NXPE2: variants seen among roughly 807,000 people sequenced by gnomAD.
NXPE2 encodes the protein neurexophilin and PC-esterase domain family member 2, also known as NXPE family member 2.
Under a neutral mutation model 34.4 loss-of-function variants are expected in NXPE2, and 34 were observed. The observed-to-expected ratio is 0.99, with a 90% confidence interval of 0.75 to 1.31. The LOEUF is 1.31. Ranked by LOEUF, NXPE2 falls within the 40% of genes most tolerant of loss-of-function variation. NXPE2 has a pLI of 0.00. For missense variants in NXPE2, 649 were observed against 672.5 expected, an observed-to-expected ratio of 0.97 and a Z score of 0.39; for synonymous variants, 235 against 231.3, an observed-to-expected ratio of 1.02 and a Z score of -0.15.
At chr11:114,497,150 C>G in the NXPE2 span, among the ~76,000 whole-genome samples, 27 of 152,150 alleles carry the variant, frequency 1.8e-4, no homozygotes, top group East Asian at 5.2e-3. Flanking sequence ...CACTGTCAGA[C>G]AGGATGTGAA....
the NXPE2 span, among the ~76,000 whole-genome samples, chr11:114,605,942 C>A: frequency 2.6e-5 from 4 of 151,684 alleles, no homozygotes; most frequent in African/African-American, 9.7e-5. Flanking sequence ...ACCACTGTTA[C>A]CTGGTGGATA....
chr11:114,605,753 C>A, the NXPE2 span, among the ~76,000 whole-genome samples: 1 of 151,790 alleles, frequency 6.6e-6, no homozygotes, highest in Non-Finnish European at 1.5e-5. Flanking sequence ...ATAAGTATTG[C>A]CCCTAGGGTA....
chr11:114,770,281 G>A, the NXPE2 span, among the ~76,000 whole-genome samples: 7 of 152,216 alleles, frequency 4.6e-5, no homozygotes, highest in Non-Finnish European at 7.3e-5. Flanking sequence ...GGGGTTAGTT[G>A]CCATTTATCT....
the NXPE2 span, among the ~76,000 whole-genome samples, chr11:114,637,809 T>A: frequency 1.3e-5 from 2 of 152,074 alleles, no homozygotes; most frequent in Non-Finnish European, 2.9e-5. Flanking sequence ...TCTTCTGGCT[T>A]GTAGAGTTTC....
the NXPE2 span, among the ~76,000 whole-genome samples, chr11:114,712,783 G>T: frequency 6.6e-6 from 1 of 152,140 alleles, no homozygotes; most frequent in East Asian, 1.9e-4. Context: ...TATTCACAAA[G>T]CAAAGTGAAT....
the NXPE2 span, among the ~76,000 whole-genome samples, chr11:114,627,864 G>A: frequency 2.6e-5 from 4 of 151,358 alleles, no homozygotes; most frequent in African/African-American, 9.7e-5. Flanking sequence ...TGCAGGGATT[G>A]CAATCCTAGT....
the NXPE2 span, among the ~76,000 whole-genome samples, chr11:114,535,995 C>T: frequency 6.6e-6 from 1 of 152,220 alleles, no homozygotes; most frequent in East Asian, 1.9e-4. Flanking sequence ...TTCAGCACCA[C>T]ACCAAACCTA....
chr11:114,626,414 A>T, the NXPE2 span, among the ~76,000 whole-genome samples: 1 of 152,212 alleles, frequency 6.6e-6, no homozygotes, highest in Non-Finnish European at 1.5e-5. Flanking sequence ...CAACAGGGGC[A>T]GACTGACACC....
At chr11:114,805,860 C>T in the NXPE2 span, among the ~76,000 whole-genome samples, 1 of 152,218 alleles carries the variant, frequency 6.6e-6, no homozygotes, top group Non-Finnish European at 1.5e-5. Flanking sequence ...GTTCTCCCAG[C>T]ACGCAGCTTG....
rs1337314093 is a variant in NXPE2 at position 114,698,242 on chromosome 11, A to C, written c.330A>C (p.Thr110=). 7 of 1,613,650 alleles carry C rather than the reference A, an allele frequency of 4.3e-6. No homozygotes were observed. The highest frequency in any genetic ancestry group is 5.9e-6 in the Non-Finnish European group (7 of 1,179,794). The change falls in exon 3 of 6, where the codon ACA becomes ACC. Residue 110 remains threonine (T), a synonymous_variant. Coordinates refer to ENST00000389586, the MANE Select transcript of NXPE2 (RefSeq NM_182495.6). ...ATGTGAATACCACCACCAGTGCCAC[A>C]CACAGCACAGCCACCATCCTCAACC... is the stretch of plus-strand genomic sequence containing the variant. ...FTHVNTTTSA[T]HSTATILNPQ...
At chr11:114,750,098 C>T in the NXPE2 span, among the ~76,000 whole-genome samples, 1 of 152,180 alleles carries the variant, frequency 6.6e-6, no homozygotes, top group Non-Finnish European at 1.5e-5. Context: ...AGTTCAATGC[C>T]CTCCACTGCA....
the NXPE2 span, among the ~76,000 whole-genome samples, chr11:114,488,156 T>C: frequency 6.6e-6 from 1 of 152,278 alleles, no homozygotes; most frequent in South Asian, 2.1e-4. Context: ...TGGGAGACTT[T>C]TTGTTATGGC....
At chr11:114,576,444 T>G in the NXPE2 span, among the ~76,000 whole-genome samples, 4 of 151,770 alleles carry the variant, frequency 2.6e-5, no homozygotes, top group African/African-American at 9.7e-5. Context: ...CCTTCACAAT[T>G]TATACAGTCA....
chr11:114,529,931 C>T, the NXPE2 span: 3 of 448,232 alleles, frequency 6.7e-6, no homozygotes, highest in South Asian at 5.0e-5. Flanking sequence ...ATCTTTTTTT[C>T]AGTGGAACAT....
At chr11:114,728,974 C>G in the NXPE2 span, among the ~76,000 whole-genome samples, 1 of 152,122 alleles carries the variant, frequency 6.6e-6, no homozygotes, top group Non-Finnish European at 1.5e-5. Context: ...AGATTTGTTA[C>G]ATGGGTATAC....
the NXPE2 span, among the ~76,000 whole-genome samples, chr11:114,487,885 GTGT>G: frequency 6.6e-6 from 1 of 152,224 alleles, no homozygotes; most frequent in South Asian, 2.1e-4. Context: ...TCATTTTAAT[GTGT>G]TGTTGAATTC....
chr11:114,805,862 C>T, the NXPE2 span, among the ~76,000 whole-genome samples: 15 of 152,304 alleles, frequency 9.8e-5, no homozygotes, highest in South Asian at 4.1e-4. Flanking sequence ...TCTCCCAGCA[C>T]GCAGCTTGAG....
the NXPE2 span, among the ~76,000 whole-genome samples, chr11:114,630,505 C>A: frequency 6.6e-6 from 1 of 151,626 alleles, no homozygotes; most frequent in African/African-American, 2.4e-5. Context: ...TTCCTTACAC[C>A]TTATACAAAA....
intron 4 of NXPE2, 81 bp from the exon 5 acceptor site, chr11:114,705,700 A>T: frequency 1.2e-6 from 1 of 840,314 alleles, no homozygotes; most frequent in Non-Finnish European, 1.7e-6. Context: ...AAAGAGGAAA[A>T]GGAAGGCAAA....
Sources: gnomAD v4.1 joint callset for allele counts (sites outside exome capture counted in the v4.1 genomes callset) on GRCh38, gnomAD v4.1.1 for gene constraint, MANE v1.5 for transcripts, NCBI Gene and HGNC (gene_info 2026-07-23, HGNC 2026-07-21) for gene names.